ZFAND3: variants seen among roughly 807,000 people sequenced by gnomAD.
ZFAND3 encodes AN1-type zinc finger protein 3.
Under a neutral mutation model 29.6 loss-of-function variants are expected in ZFAND3, and 10 were observed. The observed-to-expected ratio is 0.34, with a 90% confidence interval of 0.21 to 0.57. The LOEUF is 0.57. Among genes scored for constraint, ZFAND3 ranks in the 20% least tolerant of loss-of-function variants. The pLI, the probability that ZFAND3 is intolerant of heterozygous loss-of-function variation, is 0.86. For missense variants in ZFAND3, 230 were observed against 304.5 expected (o/e 0.76, Z 1.82); for synonymous variants, 128 against 112.6 (o/e 1.14, Z -0.87).
intron 1 of ZFAND3, among the ~76,000 whole-genome samples, chr6:37,878,808 G>A (rs1764839650): frequency 6.6e-6 from 1 of 152,192 alleles, no homozygotes; most frequent in Admixed American, 6.5e-5. Flanking sequence ...TCACAGGGAT[G>A]GAATGAGAGG....
rs562288966 is a variant in ZFAND3, at chr6:37,878,111, C to G, written c.72-51848C>G. On this transcript the variant is annotated intron_variant, in intron 1 of 5. Coordinates refer to ENST00000287218, the MANE Select transcript of ZFAND3 (RefSeq NM_021943.3). ...ATACAGTGAGAGTTGTGTGGGAACTCGTACAAATGTGGACAGCCTGTGACA... is the reference window on the plus strand; with the variant it reads ...ATACAGTGAGAGTTGTGTGGGAACTGGTACAAATGTGGACAGCCTGTGACA... 3.1e-3 allele frequency among the ~76,000 whole-genome samples: 471 copies of G among 152,210 alleles called. 3 individuals are homozygous for G. The highest frequency in any genetic ancestry group is 0.011 in the African/African-American group (448 of 41,526).
At chr6:37,824,775 A>T (rs555575181) in intron 1 of ZFAND3, among the ~76,000 whole-genome samples, 11 of 152,326 alleles carry the variant, frequency 7.2e-5, no homozygotes, top group African/African-American at 2.4e-4. Context: ...TCTTTAGGGA[A>T]ATAGATTTTG....
intron 2 of ZFAND3, among the ~76,000 whole-genome samples, chr6:37,951,850 T>A (rs1762005006): frequency 6.6e-6 from 1 of 152,168 alleles, no homozygotes; most frequent in African/African-American, 2.4e-5. Flanking sequence ...TGGCTATTAT[T>A]TTGAGGTATG....
At chr6:37,984,126 T>TA (rs1161648923) in intron 2 of ZFAND3, among the ~76,000 whole-genome samples, 2 of 152,186 alleles carry the variant, frequency 1.3e-5, no homozygotes, top group Admixed American at 1.3e-4. Context: ...TGTTTCAAGA[T>TA]ATAGGAAAAA....
intron 1 of ZFAND3, among the ~76,000 whole-genome samples, chr6:37,913,821 C>T (rs1011951620): frequency 2.0e-5 from 3 of 151,010 alleles, no homozygotes; most frequent in Non-Finnish European, 4.4e-5. Flanking sequence ...AGCGATTCTC[C>T]TGCCTCAGCC....
chr6:38,119,929 C>T (rs971701322), intron 5 of ZFAND3, among the ~76,000 whole-genome samples: 5 of 152,178 alleles, frequency 3.3e-5, no homozygotes, highest in South Asian at 2.1e-4. Flanking sequence ...ATTTTGAATA[C>T]GAATTCTCCT....
chr6:37,958,411 G>A lies in ZFAND3; in HGVS notation c.112+28412G>A, dbSNP rs537041773. Among the ~76,000 whole-genome samples, 121 of 145,782 alleles carry A rather than the reference G, an allele frequency of 8.3e-4. 1 individual carries two copies. The highest frequency in any genetic ancestry group is 3.0e-3 in the African/African-American group (117 of 39,324). ...GGAGGTTACAGTGAGCTGAGATTGT[G>A]CCACTGCACTTCAGCCTTAGTGACA... On this transcript the variant is annotated intron_variant, in intron 2 of 5. Transcript: ENST00000287218.
At chr6:38,041,670 CTTCTTCTTCTT>C (rs1763770209) in intron 2 of ZFAND3, among the ~76,000 whole-genome samples, 1 of 24,378 alleles carries the variant, frequency 4.1e-5, no homozygotes, top group African/African-American at 1.6e-4. Flanking sequence ...TCTTCTTCTT[CTTCTTCTTCTT>C]CTTCTCCTTC....
At chr6:38,092,569 G>T (rs1325010706) in intron 4 of ZFAND3, among the ~76,000 whole-genome samples, 1 of 152,142 alleles carries the variant, frequency 6.6e-6, no homozygotes, top group African/African-American at 2.4e-5. Flanking sequence ...TAGAGTCATG[G>T]GGAATGATGA....
intron 2 of ZFAND3, among the ~76,000 whole-genome samples, chr6:37,964,717 A>C (rs1762260765): frequency 6.6e-6 from 1 of 152,238 alleles, no homozygotes; most frequent in Admixed American, 6.5e-5. Context: ...GCATTCCGGC[A>C]TCCCTTCTTC....
intron 4 of ZFAND3, among the ~76,000 whole-genome samples, chr6:38,085,250 G>T (rs543345495): frequency 1.2e-4 from 18 of 152,230 alleles, no homozygotes; most frequent in Admixed American, 6.5e-4. Flanking sequence ...AAACCACATG[G>T]GCCTTCAGGC....
chr6:38,114,800 A>G (rs1765385816), intron 4 of ZFAND3, among the ~76,000 whole-genome samples: 1 of 152,224 alleles, frequency 6.6e-6, no homozygotes, highest in Non-Finnish European at 1.5e-5. Flanking sequence ...TAAGTAGAAC[A>G]TTAGGACTGC....
intron 4 of ZFAND3, among the ~76,000 whole-genome samples, chr6:38,087,035 C>T (rs1053334116): frequency 2.6e-5 from 4 of 152,244 alleles, no homozygotes; most frequent in African/African-American, 9.6e-5. Flanking sequence ...AACAAATCCA[C>T]ACACCTACAG....
At chr6:38,040,791 A>G (rs893419124) in intron 2 of ZFAND3, among the ~76,000 whole-genome samples, 4 of 152,334 alleles carry the variant, frequency 2.6e-5, no homozygotes, top group Admixed American at 6.5e-5. Flanking sequence ...GAATATTTTC[A>G]TGTATACTAA....
chr6:37,856,975 A>C (rs1764395699), intron 1 of ZFAND3, among the ~76,000 whole-genome samples: 1 of 151,544 alleles, frequency 6.6e-6, no homozygotes, highest in African/African-American at 2.4e-5. Context: ...ACAAGATCTC[A>C]CTCTGTTACC....
intron 2 of ZFAND3, among the ~76,000 whole-genome samples, chr6:37,946,956 A>G (rs1377831071): frequency 2.6e-5 from 4 of 152,178 alleles, no homozygotes; most frequent in Non-Finnish European, 2.9e-5. Flanking sequence ...GATGGATGTT[A>G]AAGCTCTGGA....
In ZFAND3 at chr6:37,974,585, A is replaced by G. The variant is rs552468071; in HGVS notation, c.112+44586A>G. 9.5e-4 allele frequency among the ~76,000 whole-genome samples: 144 copies of G among 151,986 alleles called. 1 individual carries two copies. The highest frequency in any genetic ancestry group is 3.4e-3 in the African/African-American group (143 of 41,458). The stretch of plus-strand genomic sequence containing the variant: ...ACACCTGGATAATTTTTGTAGAGAT[A>G]GGGTCTTGCTGTGCTGCCCAGGCTG... On this transcript the variant is annotated intron_variant, in intron 2 of 5. Coordinates refer to ENST00000287218, the MANE Select transcript of ZFAND3 (RefSeq NM_021943.3).
At chr6:38,060,003 A>G (rs1217288156) in intron 2 of ZFAND3, among the ~76,000 whole-genome samples, 1 of 152,116 alleles carries the variant, frequency 6.6e-6, no homozygotes, top group Non-Finnish European at 1.5e-5. Flanking sequence ...TCTCATCAAT[A>G]TAACCATTTT....
At chr6:37,871,503 C>T (rs1300181437) in intron 1 of ZFAND3, among the ~76,000 whole-genome samples, 1 of 152,140 alleles carries the variant, frequency 6.6e-6, no homozygotes, top group Non-Finnish European at 1.5e-5. Flanking sequence ...GGATTGGATC[C>T]TGGGCCAGAA....
Sources: allele counts gnomAD v4.1 joint callset (sites outside exome capture counted in the v4.1 genomes callset), GRCh38; gene constraint gnomAD v4.1.1; transcripts MANE v1.5; gene names NCBI Gene and HGNC (gene_info 2026-07-23, HGNC 2026-07-21).